Variants in NOB1 observed in about 807,000 individuals in gnomAD.
NOB1 encodes the protein NIN1 (RPN12) binding protein 1 homolog, also known as RNA-binding protein NOB1.
A neutral mutation model predicts 44.8 loss-of-function variants in NOB1; 44 were observed. The observed-to-expected ratio is 0.98, with a 90% CI of 0.77 to 1.26. The LOEUF (loss-of-function observed/expected upper bound fraction) is 1.26, where lower values mean the gene tolerates loss of function less well. Ranked by LOEUF, NOB1 falls within the 50% of genes most tolerant of loss-of-function variation. The probability of loss-of-function intolerance (pLI) is 0.00; values close to 1 mark genes in which losing one functional copy is unlikely to be tolerated. For synonymous variants in NOB1, 238 were observed against 218.7 expected (o/e 1.09, Z -0.78); for missense variants, 560 against 544.8 (o/e 1.03, Z -0.28).
Position 69,742,530 on chromosome 16 carries a change from AG to A in NOB1, c.1040del (p.Pro347LeufsTer53), listed in dbSNP as rs770067134. On this transcript the variant is annotated frameshift_variant, in exon 9 of 9. Coordinates refer to ENST00000268802, the MANE Select transcript of NOB1 (RefSeq NM_014062.3). LOFTEE classifies it high-confidence loss of function. ...NPHLTEDQRF[P>X]QLRLSQKARQ... ...TGGCCTTTTGGGAGAGTCGCAGCTG[AG>A]GGAAGCGCTGATCCTCGGTGAGATG... 8 of 1,613,980 alleles carry A rather than the reference AG, an allele frequency of 5.0e-6. No homozygotes were observed. Among genetic ancestry groups the A allele is most frequent in the Admixed American group, 1.7e-5 (1 of 59,994 alleles).
intron 2 of NOB1, among the ~76,000 whole-genome samples, chr16:69,752,633 G>A (rs1197000783): frequency 6.6e-6 from 1 of 152,154 alleles, no homozygotes; most frequent in African/African-American, 2.4e-5. Context: ...ATCAAATACA[G>A]AGGAAGGAGC....
intron 2 of NOB1, among the ~76,000 whole-genome samples, chr16:69,752,754 T>C (rs2038493317): frequency 6.6e-6 from 1 of 151,736 alleles, no homozygotes. Flanking sequence ...GCCAACGTGG[T>C]GAAACCTGTC....
chr16:69,748,080 G>C, intron 7 of NOB1, 152 bp downstream of exon 7: 2 of 540,860 alleles, frequency 3.7e-6, no homozygotes, highest in Non-Finnish European at 6.6e-6. Flanking sequence ...CAGGAGAATT[G>C]CTTGAACCCA....
rs112838873 is a variant in NOB1, at chr16:69,742,365, G to T, written c.1206C>A (p.Asn402Lys). The T allele has an allele frequency of 6.2e-7, 1 of 1,613,446 alleles. No homozygotes were observed. The highest frequency in any genetic ancestry group is 8.5e-7 in the Non-Finnish European group (1 of 1,179,374). Residue 402 changes from asparagine (N) to lysine (K), a missense_variant, in exon 9 of 9, where the codon AAC becomes AAA. Coordinates refer to ENST00000268802, the MANE Select transcript of NOB1 (RefSeq NM_014062.3). ...LGAGRRRLNPNASRKKFVKKR is the reference protein window; with the variant it reads ...LGAGRRRLNPKASRKKFVKKR ...TCTTCACAAACTTCTTTCTGGAAGCGTTGGGATTTAAGCGTCTCCGCCCAG... is the reference window on the plus strand; with the variant it reads ...TCTTCACAAACTTCTTTCTGGAAGCTTTGGGATTTAAGCGTCTCCGCCCAG...
intron 7 of NOB1, among the ~76,000 whole-genome samples, chr16:69,747,525 A>C (rs1184444824): frequency 6.6e-6 from 1 of 152,188 alleles, no homozygotes; most frequent in Non-Finnish European, 1.5e-5. Flanking sequence ...ACAAACCTCC[A>C]TGTATCCATC....
chr16:69,745,089 G>C, intron 7 of NOB1, 72 bp from the exon 8 acceptor site: 1 of 1,541,908 alleles, frequency 6.5e-7, no homozygotes, highest in Non-Finnish European at 8.9e-7. Flanking sequence ...GCACAAGGTG[G>C]GTCTCGGGCC....
intron 8 of NOB1, 115 bp from the exon 9 acceptor site, chr16:69,742,716 G>T: frequency 9.2e-7 from 1 of 1,088,970 alleles, no homozygotes; most frequent in Non-Finnish European, 1.4e-6. Context: ...ATGACAGCGG[G>T]TGGTAATTGA....
intron 6 of NOB1, 42 bp downstream of exon 6, chr16:69,748,876 C>T (rs1012901831): frequency 5.3e-6 from 8 of 1,505,024 alleles, no homozygotes; most frequent in African/African-American, 2.7e-5. Flanking sequence ...GGACCACTGC[C>T]GATGACGTGT....
intron 6 of NOB1, 51 bp from the exon 7 acceptor site, chr16:69,748,380 T>C (rs762415544): frequency 5.8e-6 from 9 of 1,544,102 alleles, no homozygotes; most frequent in Non-Finnish European, 8.9e-7. Flanking sequence ...CATTTCATTT[T>C]GTAATTACAG....
intron 3 of NOB1, among the ~76,000 whole-genome samples, chr16:69,750,664 T>C (rs1312476087): frequency 6.6e-6 from 1 of 151,844 alleles, no homozygotes; most frequent in Non-Finnish European, 1.5e-5. Context: ...AAAACAAGTG[T>C]GGTAGTTCAT....
In NOB1 at chr16:69,742,233, C is replaced by A; in HGVS notation, c.*99G>T. 6.8e-7 allele frequency: 1 copy of A among 1,464,982 alleles called. No homozygotes were observed. Among genetic ancestry groups the A allele is most frequent in the Non-Finnish European group, 9.3e-7 (1 of 1,075,812 alleles). 90.7% of individuals were successfully genotyped at this position (1,464,982 alleles called of 1,614,324 possible). ...GCACCGTGAAGCCCGCCTGTTATTTCCATCGGGTGGTCCTGGAGACGACAC... is the reference window on the plus strand; with the variant it reads ...GCACCGTGAAGCCCGCCTGTTATTTACATCGGGTGGTCCTGGAGACGACAC... On this transcript the variant is annotated 3_prime_UTR_variant, in exon 9 of 9. Transcript: ENST00000268802.
At position 69,754,817 on chromosome 16, in the gene NOB1, T is replaced by C. The variant is rs757306537; in HGVS notation, c.63+31A>G. ...CTCCGGGAGGGGCGGCCAGCCCAGATCTCTCTCGTCCCGGAGGGAGCTCCC... is the reference window on the plus strand; with the variant it reads ...CTCCGGGAGGGGCGGCCAGCCCAGACCTCTCTCGTCCCGGAGGGAGCTCCC... On this transcript the variant is annotated intron_variant, in intron 1 of 8. Coordinates refer to ENST00000268802, the MANE Select transcript of NOB1 (RefSeq NM_014062.3). 13 of 1,607,336 alleles carry C rather than the reference T, an allele frequency of 8.1e-6. No homozygotes were observed. The highest frequency in any genetic ancestry group is 1.7e-4 in the Middle Eastern group (1 of 6,048).
At chr16:69,743,962 T>A (rs952419353) in intron 8 of NOB1, among the ~76,000 whole-genome samples, 5 of 152,080 alleles carry the variant, frequency 3.3e-5, no homozygotes, top group African/African-American at 1.2e-4. Context: ...AGGAAAAAAA[T>A]ATGTACATGT....
Position 69,752,092 on chromosome 16 carries a change from G to C in NOB1, c.327+149C>G, listed in dbSNP as rs957709046. The C allele has an allele frequency of 1.6e-4, 107 of 674,366 alleles. No homozygotes were observed. In the East Asian group the frequency reaches 2.8e-3, roughly 18 times the overall value. 41.8% of individuals were successfully genotyped at this position (674,366 alleles called of 1,614,324 possible). On this transcript the variant is annotated intron_variant, in intron 3 of 8. Coordinates refer to ENST00000268802, the MANE Select transcript of NOB1 (RefSeq NM_014062.3). The stretch of plus-strand genomic sequence containing the variant: ...AAAAAAAAAAGTACTCAGGGCTGTG[G>C]ATCAGTGTAGATGAATACAGACTAG...
Position 69,742,014 on chromosome 16 carries a change from G to A in NOB1, c.*318C>T. 1 of 284,908 alleles carries A rather than the reference G, an allele frequency of 3.5e-6. No individual in the cohort carries two copies. Among genetic ancestry groups the A allele is most frequent in the Non-Finnish European group, 6.6e-6 (1 of 150,502 alleles). The allele number at this position is 284,908 out of a possible 1,614,324, so 17.6% of individuals were successfully genotyped here. A position where few individuals can be genotyped will look rare whatever the true frequency, so the allele number is the denominator to read the frequency against. On this transcript the variant is annotated 3_prime_UTR_variant, in exon 9 of 9. Transcript: ENST00000268802. ...TTGGCCTATTTAATTAAATGCACAG[G>A]AGGTTGCAGCCGCATTTATTAGAAA...
At position 69,748,967 on chromosome 16, in the gene NOB1, A is replaced by G. The variant is rs754109316; in HGVS notation, c.677T>C (p.Val226Ala). ...GCAGCCAACCCGCACGTCCTCGGGG[A>G]CGTCACACTGCTCCAGCTCCTGCTG... ...QIQQELEQCDVPEDVRVGCLT... is the reference protein window; with the variant it reads ...QIQQELEQCDAPEDVRVGCLT... Residue 226 changes from valine to alanine, a missense_variant, in exon 6 of 9, where the codon GTC becomes GCC. Physicochemically the swap from Val to Ala is moderately conservative, Grantham distance 64 (BLOSUM62 0). Coordinates refer to ENST00000268802, the MANE Select transcript of NOB1 (RefSeq NM_014062.3). The G allele has an allele frequency of 7.4e-6, 12 of 1,613,818 alleles. No homozygotes were observed. The highest frequency in any genetic ancestry group is 1.0e-5 in the Non-Finnish European group (12 of 1,179,878).
In NOB1 at chr16:69,751,067, T is replaced by G. The variant is rs544030426; in HGVS notation, c.327+1174A>C. Among the ~76,000 whole-genome samples the G allele has an allele frequency of 3.3e-5, 5 of 152,304 alleles. No homozygotes were observed. The South Asian group carries it at 1.0e-3, about 32-fold the overall frequency. On this transcript the variant is annotated intron_variant, in intron 3 of 8. Transcript: ENST00000268802. ...CGAAAAAACACTTGCAAGTACTTAGTGTTCATTCTTTTTTACCTCCAGAAA... is the reference window on the plus strand; with the variant it reads ...CGAAAAAACACTTGCAAGTACTTAGGGTTCATTCTTTTTTACCTCCAGAAA...
In NOB1 at chr16:69,754,574, G is replaced by T; in HGVS notation, c.196+20C>A. ...CCCTGGACCCCAGCTTCCCGTCAAC[G>T]CTAGGGCAGAGGCACTCACCCAGCC... On this transcript the variant is annotated intron_variant, in intron 2 of 8. Coordinates refer to ENST00000268802, the MANE Select transcript of NOB1 (RefSeq NM_014062.3). 7 of 1,613,310 alleles carry T rather than the reference G, an allele frequency of 4.3e-6. No homozygotes were observed. Among genetic ancestry groups the T allele is most frequent in the African/African-American group, 1.3e-5 (1 of 75,026 alleles).
At position 69,749,558 on chromosome 16, in the gene NOB1, C is replaced by T. The variant is rs763901812; in HGVS notation, c.399+1G>A. ...ACGGCCTGGCTTGTCTAAGAAATTA[C>T]CTTGTAGGGCAGATGGAAACCAGAA... is the stretch of plus-strand genomic sequence containing the variant. On this transcript the variant is annotated splice_donor_variant, in intron 4 of 8. Coordinates refer to ENST00000268802, the MANE Select transcript of NOB1 (RefSeq NM_014062.3). LOFTEE classifies it high-confidence loss of function. 1.2e-6 allele frequency: 2 copies of T among 1,612,910 alleles called. No homozygotes were observed. Among genetic ancestry groups the T allele is most frequent in the Admixed American group, 3.3e-5 (2 of 59,716 alleles).
Sources: gnomAD v4.1 joint callset for allele counts (sites outside exome capture counted in the v4.1 genomes callset) on GRCh38, gnomAD v4.1.1 for gene constraint, MANE v1.5 for transcripts, NCBI Gene and HGNC (gene_info 2026-07-23, HGNC 2026-07-21) for gene names.